Variants in VTI1A observed in about 807,000 individuals in gnomAD.
VTI1A encodes the protein vesicle transport through interaction with t-SNAREs 1A, also known as vesicle transport through interaction with t-SNAREs homolog 1A.
VTI1A carries 22 observed loss-of-function variants against 34.9 expected under a neutral mutation model. The observed-to-expected ratio is 0.63, with a 90% CI of 0.45 to 0.90. The LOEUF is 0.90. VTI1A is among the 40% of genes least tolerant of loss of function. The probability of loss-of-function intolerance (pLI) is 0.00; values close to 1 mark genes in which losing one functional copy is unlikely to be tolerated. For missense variants in VTI1A, 268 were observed against 275.6 expected (o/e 0.97, Z 0.20); for synonymous variants, 87 against 97.3 (o/e 0.89, Z 0.62).
chr10:112,627,621 G>A (rs554606372), intron 5 of VTI1A, among the ~76,000 whole-genome samples: 2 of 152,044 alleles, frequency 1.3e-5, no homozygotes, highest in African/African-American at 4.8e-5. Flanking sequence ...ATCTAAGTAC[G>A]TTTATATGTG....
chr10:112,700,147 A>C (rs1391184486), intron 7 of VTI1A, among the ~76,000 whole-genome samples: 2 of 151,360 alleles, frequency 1.3e-5, no homozygotes, highest in Non-Finnish European at 2.9e-5. Context: ...AAAACAAAAA[A>C]AAAAAAACAC....
rs895099132 is a variant in VTI1A at position 112,447,215 on chromosome 10, G to C, written c.-159G>C. On this transcript the variant is annotated 5_prime_UTR_variant, in exon 1 of 8. Transcript: ENST00000393077. Reference sequence around the variant, plus strand: ...ATTTCCGGAGAACCGAGATTGCGACGAACAACCAGGAAGCGGCTGGGTTGA... The same window carrying C: ...ATTTCCGGAGAACCGAGATTGCGACCAACAACCAGGAAGCGGCTGGGTTGA... 6.1e-6 allele frequency: 4 copies of C among 660,484 alleles called. No individual in the cohort carries two copies. The Admixed American group carries it at 1.2e-4, about 20-fold the overall frequency. 40.9% of individuals were successfully genotyped at this position (660,484 alleles called of 1,614,324 possible). A position where few individuals can be genotyped will look rare whatever the true frequency, so the allele number is the denominator to read the frequency against.
intron 5 of VTI1A, among the ~76,000 whole-genome samples, chr10:112,616,049 G>C (rs1052218408): frequency 6.6e-6 from 1 of 152,144 alleles, no homozygotes; most frequent in Non-Finnish European, 1.5e-5. Flanking sequence ...TTGGAAATTA[G>C]TGATCTGATA....
chr10:112,801,503 G>A (rs913369362), intron 7 of VTI1A, among the ~76,000 whole-genome samples: 4 of 152,158 alleles, frequency 2.6e-5, no homozygotes, highest in Non-Finnish European at 4.4e-5. Context: ...TCAAGGACCC[G>A]TAGTCCTTTC....
chr10:112,521,140 A>G (rs1413158954), intron 3 of VTI1A, among the ~76,000 whole-genome samples: 9 of 152,002 alleles, frequency 5.9e-5, no homozygotes, highest in Non-Finnish European at 1.2e-4. Flanking sequence ...TTAACTCTAA[A>G]CAGTCCCTTG....
rs1267597433 is a variant in VTI1A, at chr10:112,655,453, C to G, written c.428-12765C>G. Reference sequence around the variant, plus strand: ...CAAGGATTAAACTCACCCAGGGCTTCCTAGGATTCAGACCAAACAAACATG... The same window carrying G: ...CAAGGATTAAACTCACCCAGGGCTTGCTAGGATTCAGACCAAACAAACATG... On this transcript the variant is annotated intron_variant, in intron 5 of 7. Transcript: ENST00000393077. 7.9e-5 allele frequency among the ~76,000 whole-genome samples: 12 copies of G among 151,950 alleles called. 1 individual carries two copies. The highest frequency in any genetic ancestry group is 1.5e-5 in the Non-Finnish European group (1 of 67,978).
intron 3 of VTI1A, among the ~76,000 whole-genome samples, chr10:112,486,712 A>AAGAATATACAGTTGTATATTATT (rs1848649588): frequency 1.2e-5 from 1 of 86,890 alleles, no homozygotes; most frequent in Admixed American, 9.8e-5. Flanking sequence ...TGTATATTCT[A>AAGAATATACAGTTGTATATTATT]AAGAATATAC....
chr10:112,639,453 G>A (rs1288047368), intron 5 of VTI1A, among the ~76,000 whole-genome samples: 1 of 152,084 alleles, frequency 6.6e-6, no homozygotes, highest in African/African-American at 2.4e-5. Flanking sequence ...GAACATGTTT[G>A]TATTTCTCTC....
intron 5 of VTI1A, among the ~76,000 whole-genome samples, chr10:112,659,606 T>A (rs900523559): frequency 1.3e-5 from 2 of 152,200 alleles, no homozygotes; most frequent in Non-Finnish European, 2.9e-5. Flanking sequence ...TTTAATTGCT[T>A]AATGATAGAT....
chr10:112,502,069 C>T (rs1849263407), intron 3 of VTI1A, among the ~76,000 whole-genome samples: 1 of 149,292 alleles, frequency 6.7e-6, no homozygotes, highest in Non-Finnish European at 1.5e-5. Context: ...GTTCTATTAC[C>T]CAGGCTCTAG....
chr10:112,615,010 A>G (rs1232281783), intron 5 of VTI1A, among the ~76,000 whole-genome samples: 1 of 152,204 alleles, frequency 6.6e-6, no homozygotes, highest in Non-Finnish European at 1.5e-5. Flanking sequence ...TACACAGATA[A>G]TGGAATTCAG....
chr10:112,590,098 T>C (rs986113878), intron 5 of VTI1A, among the ~76,000 whole-genome samples: 3 of 152,218 alleles, frequency 2.0e-5, no homozygotes, highest in Admixed American at 6.5e-5. Context: ...CATGGTTTAC[T>C]CTTCTACCCA....
chr10:112,783,401 GCACACA>G (rs58560251), intron 7 of VTI1A, among the ~76,000 whole-genome samples: 14 of 150,420 alleles, frequency 9.3e-5, no homozygotes, highest in Middle Eastern at 6.9e-3. Flanking sequence ...GCGTGCACGT[GCACACA>G]CACACACACA....
intron 7 of VTI1A, among the ~76,000 whole-genome samples, chr10:112,742,769 T>C (rs1378894686): frequency 1.3e-5 from 2 of 152,234 alleles, no homozygotes; most frequent in Non-Finnish European, 2.9e-5. Context: ...TCAGAGAATA[T>C]GGTTTATTGA....
At chr10:112,759,463 C>T (rs1851385738) in intron 7 of VTI1A, among the ~76,000 whole-genome samples, 1 of 152,132 alleles carries the variant, frequency 6.6e-6, no homozygotes, top group South Asian at 2.1e-4. Context: ...TCTTATTTCC[C>T]CGAGCGTATA....
At chr10:112,739,716 C>T (rs115652064) in intron 7 of VTI1A, among the ~76,000 whole-genome samples, 83 of 152,320 alleles carry the variant, frequency 5.4e-4, no homozygotes, top group African/African-American at 1.8e-3. Flanking sequence ...TACACCCTGG[C>T]TTGTTGGTTG....
At chr10:112,522,567 CTG>C (rs1850065923) in intron 3 of VTI1A, among the ~76,000 whole-genome samples, 1 of 152,048 alleles carries the variant, frequency 6.6e-6, no homozygotes, top group Non-Finnish European at 1.5e-5. Flanking sequence ...CGTCTTAATT[CTG>C]TGATACAGAT....
downstream of VTI1A, among the ~76,000 whole-genome samples, chr10:112,819,124 C>G (rs543269256): frequency 2.6e-5 from 4 of 152,172 alleles, no homozygotes; most frequent in Non-Finnish European, 4.4e-5. Flanking sequence ...ACCTGTTCAG[C>G]AGGCGTTCTT....
intron 7 of VTI1A, among the ~76,000 whole-genome samples, chr10:112,696,659 T>C (rs1848801711): frequency 6.6e-6 from 1 of 152,204 alleles, no homozygotes; most frequent in Non-Finnish European, 1.5e-5. Context: ...CAGATTCTGT[T>C]TTCTTTGTTT....
Sources: allele counts gnomAD v4.1 joint callset (sites outside exome capture counted in the v4.1 genomes callset), GRCh38; gene constraint gnomAD v4.1.1; transcripts MANE v1.5; gene names NCBI Gene and HGNC (gene_info 2026-07-23, HGNC 2026-07-21).